The following PPP1R16B variants were observed in gnomAD, a reference collection of about 807,000 sequenced individuals.
The protein encoded by PPP1R16B is protein phosphatase 1 regulatory inhibitor subunit 16B.
A neutral mutation model predicts 61.7 loss-of-function variants in PPP1R16B; 14 were observed. The observed-to-expected ratio is 0.23, with a 90% CI of 0.15 to 0.35. The LOEUF is 0.35. Among genes scored for constraint, PPP1R16B ranks in the 10% least tolerant of loss-of-function variants. PPP1R16B has a pLI of 1.00. For synonymous variants in PPP1R16B, 266 were observed against 305.3 expected (o/e 0.87, Z 1.34); for missense variants, 547 against 752.5 (o/e 0.73, Z 3.19).
At chr20:38,820,779 T>A (rs2084768201) in intron 1 of PPP1R16B, among the ~76,000 whole-genome samples, 1 of 152,010 alleles carries the variant, frequency 6.6e-6, no homozygotes. Flanking sequence ...ACGCCTGTAA[T>A]CCCAGCATTT....
intron 1 of PPP1R16B, among the ~76,000 whole-genome samples, chr20:38,810,600 T>C (rs2084694536): frequency 6.6e-6 from 1 of 152,202 alleles, no homozygotes; most frequent in African/African-American, 2.4e-5. Context: ...ACTCAGTTTC[T>C]CACCTGAGAG....
intron 3 of PPP1R16B, among the ~76,000 whole-genome samples, chr20:38,894,174 C>T (rs1419782612): frequency 1.4e-5 from 2 of 141,822 alleles, no homozygotes; most frequent in African/African-American, 5.0e-5. Context: ...GGGTCTCTGG[C>T]GCCATCTGTG....
At chr20:38,862,750 A>G (rs2085061264) in intron 2 of PPP1R16B, among the ~76,000 whole-genome samples, 1 of 152,164 alleles carries the variant, frequency 6.6e-6, no homozygotes, top group South Asian at 2.1e-4. Flanking sequence ...GGCCTGCCCT[A>G]GGGTGGGGAG....
At chr20:38,887,497 T>G (rs2085254533) in intron 2 of PPP1R16B, among the ~76,000 whole-genome samples, 1 of 152,184 alleles carries the variant, frequency 6.6e-6, no homozygotes. Context: ...TTTAACAATT[T>G]GTGACAGAGC....
At position 38,912,931 on chromosome 20, in the gene PPP1R16B, G is replaced by A. The variant is rs147544504; in HGVS notation, c.1194+4738G>A. On this transcript the variant is annotated intron_variant, in intron 10 of 10. Coordinates refer to ENST00000299824, the MANE Select transcript of PPP1R16B (RefSeq NM_015568.4). Reference sequence around the variant, plus strand: ...CCAGGCTAGACTGGAGTGCAGTGGCGCAAACTTCGTTCACTATAGCCTCTG... The same window carrying A: ...CCAGGCTAGACTGGAGTGCAGTGGCACAAACTTCGTTCACTATAGCCTCTG... 1.8e-3 allele frequency among the ~76,000 whole-genome samples: 273 copies of A among 151,542 alleles called. 1 individual carries two copies. The highest frequency in any genetic ancestry group is 6.1e-3 in the African/African-American group (251 of 41,316).
chr20:38,900,693 G>A lies in PPP1R16B; in HGVS notation c.571+9G>A, dbSNP rs1469097777. 6.4e-7 allele frequency: 1 copy of A among 1,564,940 alleles called. No homozygotes were observed. Among genetic ancestry groups the A allele is most frequent in the Non-Finnish European group, 8.6e-7 (1 of 1,159,788 alleles). ...CTGCATGGCATACCAGGGTAAGGGA[G>A]GGCAGCCTGCTATGAAGTGAGCACA... On this transcript the variant is annotated intron_variant, in intron 5 of 10. Coordinates refer to ENST00000299824, the MANE Select transcript of PPP1R16B (RefSeq NM_015568.4).
At chr20:38,917,692 T>A (rs2085553663) in intron 10 of PPP1R16B, among the ~76,000 whole-genome samples, 1 of 152,208 alleles carries the variant, frequency 6.6e-6, no homozygotes, top group Non-Finnish European at 1.5e-5. Context: ...GGACTTCAAA[T>A]GGGTCATCAG....
At chr20:38,808,854 G>A (rs140825976) in intron 1 of PPP1R16B, among the ~76,000 whole-genome samples, 13,964 of 152,054 alleles carry the variant, frequency 0.092, 658 homozygotes, top group African/African-American at 0.12. Flanking sequence ...CCAACATGGT[G>A]AAACCCCATC....
In PPP1R16B at chr20:38,834,667, T is replaced by A. The variant is rs2084857796; in HGVS notation, c.-101-1158T>A. Among the ~76,000 whole-genome samples, 3 of 152,188 alleles carry A rather than the reference T, an allele frequency of 2.0e-5. No individual in the cohort carries two copies. In the South Asian group the frequency reaches 6.2e-4, roughly 31 times the overall value. On this transcript the variant is annotated intron_variant, in intron 1 of 10. Transcript: ENST00000299824. ...GAGCATCCCAAAGAGCTTTTGTTTATGTGGATTATATCTGTCAATATTTAT... is the reference window on the plus strand; with the variant it reads ...GAGCATCCCAAAGAGCTTTTGTTTAAGTGGATTATATCTGTCAATATTTAT...
intron 2 of PPP1R16B, among the ~76,000 whole-genome samples, chr20:38,864,955 A>C (rs2085079968): frequency 6.6e-6 from 1 of 152,138 alleles, no homozygotes; most frequent in South Asian, 2.1e-4. Context: ...TGGCTGGGAA[A>C]ACACCATTAA....
chr20:38,876,306 C>T (rs892057917), intron 2 of PPP1R16B, among the ~76,000 whole-genome samples: 7 of 152,122 alleles, frequency 4.6e-5, no homozygotes, highest in African/African-American at 1.2e-4. Flanking sequence ...AAAGCATTAC[C>T]CTGAGGATCA....
At chr20:38,854,028 T>TG (rs570742838) in intron 2 of PPP1R16B, among the ~76,000 whole-genome samples, 73 of 152,330 alleles carry the variant, frequency 4.8e-4, no homozygotes, top group African/African-American at 1.7e-3. Flanking sequence ...CATGATTCAT[T>TG]GGGGGCCATT....
intron 2 of PPP1R16B, among the ~76,000 whole-genome samples, chr20:38,845,147 G>A (rs2084929391): frequency 6.6e-6 from 1 of 152,182 alleles, no homozygotes; most frequent in Admixed American, 6.5e-5. Flanking sequence ...GGAAGCCTTT[G>A]ATGTAGTGCA....
At chr20:38,874,527 C>T (rs558595373) in intron 2 of PPP1R16B, among the ~76,000 whole-genome samples, 10 of 152,260 alleles carry the variant, frequency 6.6e-5, no homozygotes, top group South Asian at 6.2e-4. Flanking sequence ...AACCACTACA[C>T]GTGTGTCTTC....
intron 10 of PPP1R16B, among the ~76,000 whole-genome samples, chr20:38,912,169 G>A (rs866864961): frequency 7.4e-5 from 11 of 147,852 alleles, no homozygotes; most frequent in Middle Eastern, 3.6e-3. Context: ...GCGCCATCTC[G>A]GCTCACTGCA....
intron 2 of PPP1R16B, among the ~76,000 whole-genome samples, chr20:38,866,286 T>C (rs143866273): frequency 6.6e-6 from 1 of 152,144 alleles, no homozygotes; most frequent in African/African-American, 2.4e-5. Context: ...GGGCTGAGTG[T>C]CTGTGCAGCG....
chr20:38,852,206 G>C (rs904261033), intron 2 of PPP1R16B, among the ~76,000 whole-genome samples: 1 of 152,300 alleles, frequency 6.6e-6, no homozygotes, highest in Middle Eastern at 3.4e-3. Flanking sequence ...TATGGAAAAA[G>C]GGGACTTCAA....
At chr20:38,876,712 A>G (rs996763939) in intron 2 of PPP1R16B, among the ~76,000 whole-genome samples, 4 of 152,184 alleles carry the variant, frequency 2.6e-5, no homozygotes, top group African/African-American at 9.7e-5. Context: ...CACTTCCTTC[A>G]TGGGGTCAGC....
rs1351844122 is a variant in PPP1R16B at position 38,806,388 on chromosome 20, C to T, written c.-102+596C>T. 1.3e-5 allele frequency among the ~76,000 whole-genome samples: 2 copies of T among 152,064 alleles called. No individual in the cohort carries two copies. Among genetic ancestry groups the T allele is most frequent in the African/African-American group, 2.4e-5 (1 of 41,426 alleles). ...GGATCCGGCTGACAGCACCAGCCAG[C>T]CCGGGGAGACCCCGCGAGTGGTAGT... On this transcript the variant is annotated intron_variant, in intron 1 of 10. Coordinates refer to ENST00000299824, the MANE Select transcript of PPP1R16B (RefSeq NM_015568.4). This position sits in a 1 kb window ranked among gnomAD's most constrained non-coding sequence, Gnocchi z 4.5.
Sources: allele counts gnomAD v4.1 joint callset (sites outside exome capture counted in the v4.1 genomes callset), GRCh38; gene constraint gnomAD v4.1.1; non-coding constraint Gnocchi (gnomAD v3.1); transcripts MANE v1.5; gene names NCBI Gene and HGNC (gene_info 2026-07-23, HGNC 2026-07-21).